The following TSNARE1 variants were observed in gnomAD, a reference collection of about 807,000 sequenced individuals.
TSNARE1 encodes t-SNARE domain containing 1, also known as t-SNARE domain-containing protein 1.
TSNARE1 carries 49 observed loss-of-function variants against 62.0 expected under a neutral mutation model. The ratio of observed to expected loss-of-function variants is 0.79; its 90% CI spans 0.63 to 1.00. The LOEUF is 1.00. Among genes scored for constraint, TSNARE1 ranks in the 50% least tolerant of loss-of-function variants. The pLI is 0.00. For missense variants in TSNARE1, 755 were observed against 700.1 expected (o/e 1.08, Z -0.88); for synonymous variants, 328 against 294.4 (o/e 1.11, Z -1.17).
intron 13 of TSNARE1, among the ~76,000 whole-genome samples, chr8:142,222,484 TCAC>T (rs1563755215): frequency 1.3e-4 from 4 of 31,422 alleles, no homozygotes; most frequent in Non-Finnish European, 1.7e-4. Flanking sequence ...ACTCACTCAC[TCAC>T]TCATCCACTC....
At chr8:142,399,067 A>G (rs1356890504) in intron 1 of TSNARE1, among the ~76,000 whole-genome samples, 1 of 152,186 alleles carries the variant, frequency 6.6e-6, no homozygotes, top group Non-Finnish European at 1.5e-5. Context: ...CCCCTGCAGG[A>G]GACACCGCCC....
rs1014698246 is a variant in TSNARE1, at chr8:142,328,923, C to T, written c.893+1978G>A. ...CCCACCTGGTGAGGTTTTTCTGAAG[C>T]TGAATGTATTCGGGTGGAAGGACCA... On this transcript the variant is annotated intron_variant, in intron 6 of 13. Coordinates refer to ENST00000524325, the MANE Select transcript of TSNARE1 (RefSeq NM_145003.5). Among the ~76,000 whole-genome samples the T allele has an allele frequency of 3.9e-5, 6 of 152,016 alleles. No individual in the cohort carries two copies. The East Asian group carries it at 7.7e-4, about 20-fold the overall frequency.
At chr8:142,285,983 G>T (rs1822674665) in intron 10 of TSNARE1, among the ~76,000 whole-genome samples, 1 of 152,194 alleles carries the variant, frequency 6.6e-6, no homozygotes, top group Admixed American at 6.5e-5. Flanking sequence ...GGGGGCTCAA[G>T]TGGTCCCATG....
At chr8:142,276,393 G>A (rs1424647400) in intron 11 of TSNARE1, 3 of 985,330 alleles carry the variant, frequency 3.0e-6, no homozygotes, top group East Asian at 1.1e-4. Context: ...CACTCAGGAG[G>A]GACCAGCCTG....
At chr8:142,371,386 G>C (rs959622641) in intron 1 of TSNARE1, among the ~76,000 whole-genome samples, 1 of 152,218 alleles carries the variant, frequency 6.6e-6, no homozygotes, top group East Asian at 1.9e-4. Flanking sequence ...TGGACTGCAG[G>C]GGGCAGGAGA....
At chr8:142,218,342 C>A (rs1816040874) in intron 13 of TSNARE1, among the ~76,000 whole-genome samples, 1 of 126,794 alleles carries the variant, frequency 7.9e-6, no homozygotes, top group South Asian at 2.4e-4. Flanking sequence ...CCAGTGTCCA[C>A]CCTGGAGAGC....
rs376894359 is a variant in TSNARE1 at position 142,331,879 on chromosome 8, C to T, written c.746-48G>A. On this transcript the variant is annotated intron_variant, in intron 4 of 13. Transcript: ENST00000524325. ...AAAGAACACAGGCTAAGGGTGAAGC[C>T]TGCAGGCCCAGCTCTGCTAACCGCT... is the stretch of plus-strand genomic sequence containing the variant. The T allele has an allele frequency of 4.5e-6, 7 of 1,552,788 alleles. No individual in the cohort carries two copies. In the African/African-American group the frequency reaches 9.5e-5, roughly 21 times the overall value.
chr8:142,226,138 G>A (rs1418082998), intron 13 of TSNARE1, among the ~76,000 whole-genome samples: 1 of 152,208 alleles, frequency 6.6e-6, no homozygotes, highest in Non-Finnish European at 1.5e-5. Flanking sequence ...CATGTTCACA[G>A]GTGCTGGGGT....
At chr8:142,330,819 G>T in intron 6 of TSNARE1, 82 bp downstream of exon 6, 2 of 1,423,458 alleles carry the variant, frequency 1.4e-6, no homozygotes, top group Non-Finnish European at 2.0e-6. Context: ...AAGCCCGTGT[G>T]CACAGGAGGA....
At chr8:142,324,103 A>G (rs1457709389) in intron 6 of TSNARE1, among the ~76,000 whole-genome samples, 1 of 152,198 alleles carries the variant, frequency 6.6e-6, no homozygotes, top group Non-Finnish European at 1.5e-5. Context: ...TACAGATGCA[A>G]TGCCCGGAAC....
intron 1 of TSNARE1, among the ~76,000 whole-genome samples, chr8:142,367,752 T>A (rs928427476): frequency 2.0e-5 from 3 of 152,076 alleles, no homozygotes; most frequent in South Asian, 2.1e-4. Context: ...AAAATATAAA[T>A]AGACCAATGG....
At chr8:142,266,517 G>A (rs1012974513) in intron 12 of TSNARE1, among the ~76,000 whole-genome samples, 2 of 152,180 alleles carry the variant, frequency 1.3e-5, no homozygotes, top group African/African-American at 2.4e-5. Flanking sequence ...AGTTGACAGC[G>A]ACTTTCTCTC....
chr8:142,393,794 T>C (rs772201287), intron 1 of TSNARE1, among the ~76,000 whole-genome samples: 4 of 152,178 alleles, frequency 2.6e-5, no homozygotes, highest in African/African-American at 4.8e-5. Context: ...GGTGGCCGGT[T>C]CACAGCACAA....
chr8:142,404,694 A>T (rs2131558230), upstream of TSNARE1: 1 of 152,374 alleles, frequency 6.6e-6, no homozygotes, highest in African/African-American at 2.4e-5. Flanking sequence ...ACCAGGGAGG[A>T]TGCCCATGAC....
intron 1 of TSNARE1, among the ~76,000 whole-genome samples, chr8:142,393,202 C>T (rs1283594565): frequency 6.6e-6 from 1 of 152,148 alleles, no homozygotes; most frequent in Non-Finnish European, 1.5e-5. Flanking sequence ...GAGAACCATC[C>T]GGGGAACGAT....
chr8:142,344,587 C>G, intron 3 of TSNARE1, 115 bp from the exon 4 acceptor site: 1 of 1,157,396 alleles, frequency 8.6e-7, no homozygotes, highest in South Asian at 1.7e-5. Flanking sequence ...ACACGGCTGC[C>G]TGGTCCTGGC....
At chr8:142,271,618 T>G in intron 12 of TSNARE1, 1 of 1,429,438 alleles carries the variant, frequency 7.0e-7, no homozygotes, top group Non-Finnish European at 9.1e-7. Context: ...GGGGGTCAGG[T>G]TCAGGCAGGC....
In TSNARE1 at chr8:142,223,151, C is replaced by CGTTCATTCACTCACTCAT. The variant is rs1325395150; in HGVS notation, c.*11+6321_*11+6322insATGAGTGAGTGAATGAAC. Among the ~76,000 whole-genome samples the CGTTCATTCACTCACTCAT allele has an allele frequency of 3.7e-4, 52 of 140,818 alleles. 5 individuals are homozygous for CGTTCATTCACTCACTCAT. The highest frequency in any genetic ancestry group is 1.3e-3 in the African/African-American group (47 of 36,946). 92.4% of individuals were successfully genotyped at this position (140,818 alleles called of 152,430 possible). On this transcript the variant is annotated intron_variant, in intron 13 of 13. Coordinates refer to ENST00000524325, the MANE Select transcript of TSNARE1 (RefSeq NM_145003.5). ...TCATTCACTCATTCACTCATCCACT[C>CGTTCATTCACTCACTCAT]ACTCATTCACTCACTCACTCAAGTA...
intron 10 of TSNARE1, among the ~76,000 whole-genome samples, chr8:142,288,783 G>A (rs1823252265): frequency 6.6e-6 from 1 of 152,242 alleles, no homozygotes; most frequent in Non-Finnish European, 1.5e-5. Flanking sequence ...CTGCCCATTG[G>A]GATGAGCTAA....
Sources: gnomAD v4.1 joint callset for allele counts (sites outside exome capture counted in the v4.1 genomes callset) on GRCh38, gnomAD v4.1.1 for gene constraint, MANE v1.5 for transcripts, NCBI Gene and HGNC (gene_info 2026-07-23, HGNC 2026-07-21) for gene names.